FARSB: variants seen among roughly 807,000 people sequenced by gnomAD.
FARSB encodes the protein phenylalanine--tRNA ligase beta subunit.
FARSB carries 40 observed loss-of-function variants against 69.6 expected under a neutral mutation model. That is an observed-to-expected ratio of 0.57 (90% CI 0.45 to 0.75). The LOEUF is 0.75. Ranked by LOEUF, FARSB falls within the 30% of genes least tolerant of loss-of-function variation. The pLI, the probability that FARSB is intolerant of heterozygous loss-of-function variation, is 0.00. For missense variants in FARSB, 632 were observed against 722.9 expected (o/e 0.87, Z 1.44); for synonymous variants, 235 against 247.2 (o/e 0.95, Z 0.46).
At chr2:222,648,618 T>C (rs1467126468) in intron 2 of FARSB, 122 bp downstream of exon 2, 3 of 728,846 alleles carry the variant, frequency 4.1e-6, no homozygotes, top group Non-Finnish European at 7.5e-6. Flanking sequence ...ACAGAAATCA[T>C]GGCCCACAAA....
In FARSB at chr2:222,568,910, T is replaced by G. The variant is rs1037786509; in HGVS notation, c.*2961A>C. The G allele has an allele frequency of 6.6e-6, 1 of 152,182 alleles. No individual in the cohort carries two copies. The highest frequency in any genetic ancestry group is 2.4e-5 in the African/African-American group (1 of 41,444). 9.4% of individuals were successfully genotyped at this position (152,182 alleles called of 1,614,324 possible). On this transcript the variant is annotated 3_prime_UTR_variant, in exon 17 of 17. Transcript: ENST00000281828. This position sits in a 1 kb window ranked among gnomAD's most constrained non-coding sequence, Gnocchi z 4.3. ...GAGGCTGTAGTGGTAGAATTTAAGT[T>G]TTTTCTAAGCTAGAACAAAAATCAA...
At chr2:222,619,874 G>A (rs1241837950) in intron 13 of FARSB, 137 bp from the exon 14 acceptor site, 7 of 516,716 alleles carry the variant, frequency 1.4e-5, no homozygotes, top group Non-Finnish European at 2.4e-5. Context: ...TAGGCCTGGT[G>A]TGAGCTGAAG....
chr2:222,605,161 T>TCTCTCTC (rs1690667824), intron 15 of FARSB, among the ~76,000 whole-genome samples: 30 of 132,750 alleles, frequency 2.3e-4, no homozygotes, highest in African/African-American at 8.0e-4. Flanking sequence ...AATACAAACT[T>TCTCTCTC]TCTCTCTCTC....
intron 14 of FARSB, among the ~76,000 whole-genome samples, chr2:222,616,544 T>C (rs1457025013): frequency 4.0e-4 from 3 of 7,532 alleles, no homozygotes; most frequent in African/African-American, 2.4e-3. Flanking sequence ...AGACTCCATC[T>C]CAAAAAAAAA....
At position 222,571,915 on chromosome 2, in the gene FARSB, T is replaced by G. The variant is rs1391411421; in HGVS notation, c.1726A>C (p.Met576Leu). 9.3e-6 allele frequency: 15 copies of G among 1,613,556 alleles called. No individual in the cohort carries two copies. Among genetic ancestry groups the G allele is most frequent in the Middle Eastern group, 1.6e-4 (1 of 6,072 alleles). Residue 576 changes from methionine to leucine, a missense_variant, in exon 17 of 17, where the codon ATG becomes CTG. By Grantham distance (15) the Met-to-Leu change is conservative. Transcript: ENST00000281828. Reference sequence around the variant, plus strand: ...TTGATTTCTAGGGAGGAGCAGGGCATGGTCAGCTCAAATTTGGTGATAACG... The same window carrying G: ...TTGATTTCTAGGGAGGAGCAGGGCAGGGTCAGCTCAAATTTGGTGATAACG... ...PDVITKFELTMPCSSLEINVG... is the reference protein window; with the variant it reads ...PDVITKFELTLPCSSLEINVG...
intron 16 of FARSB, among the ~76,000 whole-genome samples, chr2:222,580,173 G>A (rs541330593): frequency 1.3e-4 from 19 of 151,656 alleles, no homozygotes; most frequent in Admixed American, 2.0e-4. Context: ...TCCATCTTGG[G>A]AACTGCTTTT....
chr2:222,644,194 T>G (rs903552707), intron 2 of FARSB, among the ~76,000 whole-genome samples: 1 of 152,198 alleles, frequency 6.6e-6, no homozygotes, highest in Non-Finnish European at 1.5e-5. Context: ...TTGCACAATA[T>G]GCAGAGAAAT....
chr2:222,614,958 G>C (rs1559203617), intron 14 of FARSB, among the ~76,000 whole-genome samples: 1 of 152,068 alleles, frequency 6.6e-6, no homozygotes, highest in Non-Finnish European at 1.5e-5. Flanking sequence ...ATATGTAGGT[G>C]CTAAAAAATA....
rs1425482835 is a variant in FARSB at position 222,631,651 on chromosome 2, T to A, written c.739A>T (p.Asn247Tyr). Reference protein sequence around the residue: ...INGDHSRITVNTRNIFIECTG... With the variant: ...INGDHSRITVYTRNIFIECTG... ...CATTCAATAAAAATATTTCTAGTAT[T>A]TACTGTTATTCTGGAATGATCCCCT... The change falls in exon 8 of 17, where the codon AAT becomes TAT. Residue 247 changes from asparagine to tyrosine, a missense_variant. Asn to Tyr is a moderately radical substitution (Grantham distance 143). Transcript: ENST00000281828. 1 of 1,566,958 alleles carries A rather than the reference T, an allele frequency of 6.4e-7. No individual in the cohort carries two copies. The highest frequency in any genetic ancestry group is 8.8e-7 in the Non-Finnish European group (1 of 1,137,744).
intron 16 of FARSB, among the ~76,000 whole-genome samples, chr2:222,593,756 G>A (rs933155019): frequency 5.3e-5 from 8 of 151,366 alleles, no homozygotes; most frequent in African/African-American, 1.7e-4. Context: ...CTGTAGTCCC[G>A]GCTACACTGA....
In FARSB at chr2:222,636,494, CTA is replaced by C. The variant is rs199513061; in HGVS notation, c.456-1955_456-1954del. On this transcript the variant is annotated intron_variant, in intron 5 of 16. Coordinates refer to ENST00000281828, the MANE Select transcript of FARSB (RefSeq NM_005687.5). ...AAAAGTCAAACAGGAAGACTGATAA[CTA>C]TACCCAAATTAAAAACCTTACATGT... 9.7e-3 allele frequency among the ~76,000 whole-genome samples: 1,468 copies of C among 151,076 alleles called. 19 individuals carry two copies. The highest frequency in any genetic ancestry group is 0.034 in the African/African-American group (1,413 of 41,218).
intron 16 of FARSB, among the ~76,000 whole-genome samples, chr2:222,580,710 A>C (rs1350730898): frequency 6.6e-6 from 1 of 152,188 alleles, no homozygotes; most frequent in East Asian, 1.9e-4. Context: ...GGTAGGAAAA[A>C]AAAATGCCCC....
intron 16 of FARSB, among the ~76,000 whole-genome samples, chr2:222,597,080 T>C (rs1231139964): frequency 2.0e-5 from 3 of 152,150 alleles, no homozygotes; most frequent in African/African-American, 7.2e-5. Context: ...GCTAGATGTG[T>C]GCCCAGGACT....
intron 16 of FARSB, among the ~76,000 whole-genome samples, chr2:222,585,182 C>T (rs979720071): frequency 6.6e-6 from 1 of 152,222 alleles, no homozygotes; most frequent in African/African-American, 2.4e-5. Context: ...TGCCGTTCTA[C>T]AATATTTGCT....
chr2:222,572,638 G>C (rs1229343478), intron 16 of FARSB, among the ~76,000 whole-genome samples: 1 of 152,164 alleles, frequency 6.6e-6, no homozygotes, highest in Non-Finnish European at 1.5e-5. Context: ...TTTCTAAGCA[G>C]TTCTGAAGCA....
chr2:222,613,074 T>C (rs1690899505), intron 15 of FARSB, among the ~76,000 whole-genome samples: 1 of 152,220 alleles, frequency 6.6e-6, no homozygotes, highest in African/African-American at 2.4e-5. Flanking sequence ...ACAGTGCTTG[T>C]CAAGTTGAGG....
chr2:222,621,802 A>G (rs568879798), intron 13 of FARSB, among the ~76,000 whole-genome samples: 3 of 152,378 alleles, frequency 2.0e-5, no homozygotes, highest in Admixed American at 2.0e-4. Flanking sequence ...ATTTAACAAC[A>G]TAGACCATCT....
intron 16 of FARSB, among the ~76,000 whole-genome samples, chr2:222,582,930 G>GA (rs869277740): frequency 0.024 from 2,542 of 104,350 alleles, 26 homozygotes; most frequent in Middle Eastern, 0.034. Context: ...GTCTCCAAAA[G>GA]AAAAAAAAAA....
intron 16 of FARSB, among the ~76,000 whole-genome samples, chr2:222,596,832 A>G (rs1303707468): frequency 6.6e-6 from 1 of 152,206 alleles, no homozygotes; most frequent in Non-Finnish European, 1.5e-5. Flanking sequence ...ACACAAACAC[A>G]TACATATATA....
Sources: allele counts gnomAD v4.1 joint callset (sites outside exome capture counted in the v4.1 genomes callset), GRCh38; gene constraint gnomAD v4.1.1; non-coding constraint Gnocchi (gnomAD v3.1); transcripts MANE v1.5; gene names NCBI Gene and HGNC (gene_info 2026-07-23, HGNC 2026-07-21).